The following USP34 variants were observed in gnomAD, a reference collection of about 807,000 sequenced individuals.
The protein encoded by USP34 is ubiquitin specific peptidase 34.
Under a neutral mutation model 460.3 loss-of-function variants are expected in USP34, and 70 were observed. The ratio of observed to expected loss-of-function variants is 0.15; its 90% CI spans 0.13 to 0.19. The LOEUF (loss-of-function observed/expected upper bound fraction) is 0.19. Ranked by LOEUF, USP34 falls within the 10% of genes least tolerant of loss-of-function variation. USP34 has a pLI of 1.00. For missense variants in USP34, 3,985 were observed against 4,236.2 expected (o/e 0.94, Z 1.65); for synonymous variants, 1,647 against 1,405.3 (o/e 1.17, Z -3.85).
intron 39 of USP34, among the ~76,000 whole-genome samples, chr2:61,278,850 A>G (rs1689452599): frequency 6.6e-6 from 1 of 152,148 alleles, no homozygotes; most frequent in Admixed American, 6.5e-5. Flanking sequence ...TTGAGATGTA[A>G]TTCACACACA....
chr2:61,340,597 CTATTTT>C (rs1300142243), intron 16 of USP34, among the ~76,000 whole-genome samples: 1 of 152,102 alleles, frequency 6.6e-6, no homozygotes, highest in Non-Finnish European at 1.5e-5. Flanking sequence ...TTTCACATAC[CTATTTT>C]TAATTTCACA....
intron 10 of USP34, among the ~76,000 whole-genome samples, chr2:61,353,785 A>G (rs923785867): frequency 1.3e-5 from 2 of 152,158 alleles, no homozygotes; most frequent in Non-Finnish European, 2.9e-5. Context: ...AAAGACAGGA[A>G]AACAATGCAT....
chr2:61,234,525 A>C (rs1264370852), intron 57 of USP34, among the ~76,000 whole-genome samples: 1 of 152,172 alleles, frequency 6.6e-6, no homozygotes, highest in Non-Finnish European at 1.5e-5. Flanking sequence ...GGAAAGAGGA[A>C]GTGACAGATG....
chr2:61,434,314 A>G (rs560397999), intron 1 of USP34, among the ~76,000 whole-genome samples: 1 of 152,056 alleles, frequency 6.6e-6, no homozygotes, highest in South Asian at 2.1e-4. Flanking sequence ...TCCCAGTCCT[A>G]AGAAACAGCC....
intron 5 of USP34, among the ~76,000 whole-genome samples, chr2:61,387,596 T>C (rs543792822): frequency 6.8e-6 from 1 of 146,690 alleles, no homozygotes; most frequent in South Asian, 2.1e-4. Flanking sequence ...TATATTTATA[T>C]ATACACACAT....
chr2:61,346,607 A>G (rs116113969), intron 15 of USP34, among the ~76,000 whole-genome samples: 1,983 of 144,060 alleles, frequency 0.014, 19 homozygotes, highest in Non-Finnish European at 0.022. Context: ...AGGCCGAATC[A>G]TAAGGTCAGG....
intron 19 of USP34, among the ~76,000 whole-genome samples, chr2:61,332,703 G>A (rs1053887669): frequency 3.3e-5 from 5 of 151,994 alleles, no homozygotes; most frequent in African/African-American, 9.7e-5. Context: ...GTTCTTCAGT[G>A]ATGTTAAATG....
chr2:61,436,506 TAAG>T (rs1382011877), intron 1 of USP34, among the ~76,000 whole-genome samples: 1 of 152,088 alleles, frequency 6.6e-6, no homozygotes, highest in Non-Finnish European at 1.5e-5. Flanking sequence ...TAAGGGGATA[TAAG>T]AATTGTAAAT....
chr2:61,223,430 G>T, intron 62 of USP34, 134 bp from the exon 63 acceptor site: 1 of 884,824 alleles, frequency 1.1e-6, no homozygotes, highest in East Asian at 2.7e-5. Context: ...TTTTTTGCTA[G>T]CTACATTTGC....
chr2:61,265,225 T>A, intron 43 of USP34, 172 bp downstream of exon 43: 1 of 689,000 alleles, frequency 1.5e-6, no homozygotes, highest in East Asian at 2.8e-5. Flanking sequence ...TTATGAGTAA[T>A]CTACTAAAAT....
At chr2:61,452,247 C>G (rs1695302391) in intron 1 of USP34, among the ~76,000 whole-genome samples, 1 of 148,272 alleles carries the variant, frequency 6.7e-6, no homozygotes, top group Admixed American at 6.8e-5. Flanking sequence ...TTCTAAATAA[C>G]AAAAGACTAC....
rs1324049315 is a variant in USP34 at position 61,196,035 on chromosome 2, T to C, written c.9509-3055A>G. 4.2e-5 allele frequency among the ~76,000 whole-genome samples: 6 copies of C among 143,800 alleles called. No homozygotes were observed. In the East Asian group the frequency reaches 1.2e-3, roughly 30 times the overall value. The allele number at this position is 143,800 out of a possible 152,430, so 94.3% of individuals were successfully genotyped here. A position where few individuals can be genotyped will look rare whatever the true frequency, so the allele number is the denominator to read the frequency against. The stretch of plus-strand genomic sequence containing the variant: ...CGTTCTCCCAGCTCAGTCTCCTGAG[T>C]AGCTGGGACTACAGGTATGCACCAC... On this transcript the variant is annotated intron_variant, in intron 75 of 79. Transcript: ENST00000398571.
intron 1 of USP34, among the ~76,000 whole-genome samples, chr2:61,435,826 C>G (rs367822778): frequency 2.2e-4 from 33 of 152,008 alleles, no homozygotes; most frequent in South Asian, 6.2e-4. Context: ...GTCAGGAGTT[C>G]GAGACCAGCC....
chr2:61,344,172 C>A (rs1195663348), intron 15 of USP34, 143 bp from the exon 16 acceptor site: 2 of 716,500 alleles, frequency 2.8e-6, no homozygotes, highest in Non-Finnish European at 4.5e-6. Flanking sequence ...ATGTTGAGAG[C>A]TTTACGAAAC....
chr2:61,255,056 AC>A (rs1164451972), intron 48 of USP34, among the ~76,000 whole-genome samples: 1 of 151,842 alleles, frequency 6.6e-6, no homozygotes, highest in Non-Finnish European at 1.5e-5. Flanking sequence ...TTGCCCTCAA[AC>A]TCCTGGGCTC....
chr2:61,225,262 A>G (rs1043570677), intron 62 of USP34, among the ~76,000 whole-genome samples: 9 of 152,146 alleles, frequency 5.9e-5, no homozygotes, highest in African/African-American at 2.2e-4. Context: ...TTCCAATGAC[A>G]TTAACAGTTA....
At chr2:61,320,232 G>A (rs1690875081) in intron 21 of USP34, among the ~76,000 whole-genome samples, 1 of 152,136 alleles carries the variant, frequency 6.6e-6, no homozygotes, top group African/African-American at 2.4e-5. Context: ...CAGGGTTGTG[G>A]GTGGCCAAAT....
Position 61,203,209 on chromosome 2 carries a change from G to A in USP34, c.9439C>T (p.Gln3147Ter), listed in dbSNP as rs766760350. 1 of 1,601,832 alleles carries A rather than the reference G, an allele frequency of 6.2e-7. No individual in the cohort carries two copies. Among genetic ancestry groups the A allele is most frequent in the Non-Finnish European group, 8.5e-7 (1 of 1,174,260 alleles). ...ACTCGGCATAATAGATGGATGAACT[G>A]ATGATAAGAAAAGAAGTAGTCTAGC... Reference protein sequence around the residue: ...MLLDYFFSYHQFIHLLCRVAI... With the variant: ...MLLDYFFSYH Residue 3147 changes from glutamine to a stop codon, truncating the protein, a stop_gained, in exon 75 of 80, where the codon CAG (glutamine) becomes TAG (stop). Coordinates refer to ENST00000398571, the MANE Select transcript of USP34 (RefSeq NM_014709.4). LOFTEE classifies it high-confidence loss of function.
In USP34 at chr2:61,190,514, G is replaced by A. The variant is rs778675840; in HGVS notation, c.9729+4C>T. The A allele has an allele frequency of 1.9e-5, 31 of 1,613,104 alleles. No individual in the cohort carries two copies. The East Asian group carries it at 3.3e-4, about 17-fold the overall frequency. On this transcript the variant is annotated splice_donor_region_variant and intron_variant, in intron 77 of 79. Coordinates refer to ENST00000398571, the MANE Select transcript of USP34 (RefSeq NM_014709.4). ...ACACACTGAGTTTCCAAAGTACTAC[G>A]TACCTTTAGAAGGAAATGTGTCATG... is the stretch of plus-strand genomic sequence containing the variant.
Sources: gnomAD v4.1 joint callset for allele counts (sites outside exome capture counted in the v4.1 genomes callset) on GRCh38, gnomAD v4.1.1 for gene constraint, MANE v1.5 for transcripts, NCBI Gene and HGNC (gene_info 2026-07-23, HGNC 2026-07-21) for gene names.